The following LRBA variants were observed in gnomAD, a reference collection of about 807,000 sequenced individuals.
LRBA encodes lipopolysaccharide-responsive and beige-like anchor protein.
LRBA carries 176 observed loss-of-function variants against 330.0 expected under a neutral mutation model. That is an observed-to-expected ratio of 0.53 (90% confidence interval 0.47 to 0.60). LRBA has a LOEUF of 0.60. Ranked by LOEUF, LRBA falls within the 20% of genes least tolerant of loss-of-function variation. The probability of loss-of-function intolerance (pLI) is 0.00; values close to 1 mark genes in which losing one functional copy is unlikely to be tolerated. For synonymous variants in LRBA, 1,230 were observed against 1,193.0 expected, an observed-to-expected ratio of 1.03 and a Z score of -0.64; for missense variants, 3,259 against 3,444.8, an observed-to-expected ratio of 0.95 and a Z score of 1.35.
intron 55 of LRBA, among the ~76,000 whole-genome samples, chr4:150,279,488 C>A (rs993960503): frequency 6.6e-6 from 1 of 152,190 alleles, no homozygotes; most frequent in African/African-American, 2.4e-5. Context: ...AAGAAAAAAA[C>A]CTAATTTCTG....
chr4:150,954,766 T>C (rs1217830337), intron 2 of LRBA, among the ~76,000 whole-genome samples: 2 of 68,720 alleles, frequency 2.9e-5, no homozygotes, highest in Non-Finnish European at 2.8e-5. Flanking sequence ...GATCAATAAA[T>C]ACTAAAAAAT....
At chr4:150,867,993 T>TAAG (rs1172059361) in intron 21 of LRBA, 130 bp from the exon 22 acceptor site, 1 of 915,324 alleles carries the variant, frequency 1.1e-6, no homozygotes, top group Non-Finnish European at 1.6e-6. Flanking sequence ...AGTTATACAT[T>TAAG]AAGAACAATT....
chr4:150,790,253 C>G (rs892743045), intron 34 of LRBA, among the ~76,000 whole-genome samples: 1 of 152,172 alleles, frequency 6.6e-6, no homozygotes, highest in African/African-American at 2.4e-5. Flanking sequence ...ACTGCCAGTT[C>G]CACAAAATTT....
intron 46 of LRBA, chr4:150,422,769 G>T: frequency 7.3e-7 from 1 of 1,367,166 alleles, no homozygotes; most frequent in Non-Finnish European, 1.0e-6. Context: ...GTGGCCAGCT[G>T]GGCACTGTTC....
intron 36 of LRBA, among the ~76,000 whole-genome samples, chr4:150,707,818 C>CA (rs959719712): frequency 6.6e-6 from 1 of 151,558 alleles, no homozygotes; most frequent in Non-Finnish European, 1.5e-5. Flanking sequence ...TAGACAGAGG[C>CA]ATGAATATAT....
chr4:150,805,282 GGAGAAGGAAAGGAAAGGAAAGGAAAGGA>G lies in LRBA; in HGVS notation c.5518+961_5518+988del, dbSNP rs1343786971. Among the ~76,000 whole-genome samples, 457 of 100,322 alleles carry G rather than the reference GGAGAAGGAAAGGAAAGGAAAGGAAAGGA, an allele frequency of 4.6e-3. 2 individuals are homozygous for G. The highest frequency in any genetic ancestry group is 0.017 in the African/African-American group (441 of 26,608). The allele number at this position is 100,322 out of a possible 152,430, so 65.8% of individuals were successfully genotyped here. On this transcript the variant is annotated intron_variant, in intron 33 of 56. Transcript: ENST00000651943. ...GAAACGAGAAGGAAAGGAAAGGAAA[GGAGAAGGAAAGGAAAGGAAAGGAAAGGA>G]AAGGAAAGGAAAGGAAAGGAAAGGA...
chr4:150,450,490 G>A (rs1011635911), intron 44 of LRBA, among the ~76,000 whole-genome samples: 2 of 151,992 alleles, frequency 1.3e-5, no homozygotes, highest in East Asian at 1.9e-4. Context: ...TCCTTCCATC[G>A]TCATATAGTG....
At chr4:150,706,872 G>A (rs1168288550) in intron 36 of LRBA, among the ~76,000 whole-genome samples, 1 of 151,666 alleles carries the variant, frequency 6.6e-6, no homozygotes, top group Non-Finnish European at 1.5e-5. Context: ...AAACAACACT[G>A]AGAAATACAA....
At chr4:150,988,265 T>C (rs1159394538) in intron 2 of LRBA, among the ~76,000 whole-genome samples, 1 of 152,186 alleles carries the variant, frequency 6.6e-6, no homozygotes, top group African/African-American at 2.4e-5. Flanking sequence ...TGGATCCCAT[T>C]ATTGAGCATG....
chr4:150,831,998 G>A (rs1337675638), intron 28 of LRBA, 22 bp from the exon 29 acceptor site: 1 of 1,436,114 alleles, frequency 7.0e-7, no homozygotes, highest in African/African-American at 1.4e-5. Context: ...AATTAAAGGA[G>A]TTGATTATGT....
intron 47 of LRBA, among the ~76,000 whole-genome samples, chr4:150,400,094 A>G (rs1160553406): frequency 6.6e-6 from 1 of 152,242 alleles, no homozygotes; most frequent in East Asian, 1.9e-4. Context: ...AGAGAAGTGT[A>G]CATTGTTCAG....
At chr4:150,672,444 TGTAAAA>T (rs1473015031) in intron 37 of LRBA, among the ~76,000 whole-genome samples, 2 of 151,998 alleles carry the variant, frequency 1.3e-5, no homozygotes, top group East Asian at 1.9e-4. Flanking sequence ...ACTTCAGAAA[TGTAAAA>T]GTAAAACTAA....
intron 52 of LRBA, among the ~76,000 whole-genome samples, chr4:150,305,935 G>GTGTTCC (rs1311509880): frequency 6.6e-6 from 1 of 152,042 alleles, no homozygotes; most frequent in Non-Finnish European, 1.5e-5. Flanking sequence ...AATCTTATAA[G>GTGTTCC]TGTTCCTCAA....
chr4:150,685,899 AAG>A (rs1158493574), intron 36 of LRBA, among the ~76,000 whole-genome samples: 1 of 152,118 alleles, frequency 6.6e-6, no homozygotes, highest in East Asian at 1.9e-4. Context: ...GGGACAAAGC[AAG>A]AGAGTTTGAC....
At chr4:150,805,282 GGAGAAGGAAAGGAAAGGAAAGGA>G (rs1742446466) in intron 33 of LRBA, among the ~76,000 whole-genome samples, 6 of 100,282 alleles carry the variant, frequency 6.0e-5, no homozygotes, top group African/African-American at 2.3e-4. Flanking sequence ...GGAAAGGAAA[GGAGAAGGAAAGGAAAGGAAAGGA>G]AAGGAAAGGA....
intron 17 of LRBA, among the ~76,000 whole-genome samples, chr4:150,885,583 T>C (rs954754223): frequency 6.6e-6 from 1 of 152,048 alleles, no homozygotes; most frequent in African/African-American, 2.4e-5. Flanking sequence ...ACCATGCCAC[T>C]GTACTCCATC....
chr4:150,341,882 T>C (rs965449749), intron 48 of LRBA, among the ~76,000 whole-genome samples: 10 of 151,704 alleles, frequency 6.6e-5, no homozygotes, highest in Admixed American at 3.3e-4. Context: ...ATATGAAAAT[T>C]AATGGGTGAA....
intron 53 of LRBA, among the ~76,000 whole-genome samples, chr4:150,298,728 A>G (rs888575046): frequency 7.2e-5 from 11 of 152,210 alleles, no homozygotes; most frequent in African/African-American, 2.4e-4. Flanking sequence ...GCTGACATAG[A>G]TTAGCATGTC....
chr4:150,329,678 C>G (rs138310857), intron 48 of LRBA, among the ~76,000 whole-genome samples: 3 of 152,218 alleles, frequency 2.0e-5, no homozygotes, highest in Admixed American at 6.6e-5. Context: ...GGATTGCCCA[C>G]TCCCATGAAG....
Sources: gnomAD v4.1 joint callset for allele counts (sites outside exome capture counted in the v4.1 genomes callset) on GRCh38, gnomAD v4.1.1 for gene constraint, MANE v1.5 for transcripts, NCBI Gene and HGNC (gene_info 2026-07-23, HGNC 2026-07-21) for gene names.